VWA8: variants seen among roughly 807,000 people sequenced by gnomAD.
VWA8 encodes the protein von Willebrand factor A domain-containing protein 8.
VWA8 carries 221 observed loss-of-function variants against 241.5 expected under a neutral mutation model. The ratio of observed to expected loss-of-function variants is 0.91; its 90% CI spans 0.82 to 1.02. The LOEUF is 1.02. VWA8 is among the 50% of genes least tolerant of loss of function. The pLI is 0.00. For synonymous variants in VWA8, 852 were observed against 827.1 expected (o/e 1.03, Z -0.52); for missense variants, 2,322 against 2,328.7 (o/e 1.00, Z 0.06).
At chr13:41,880,001 T>C (rs1163255176) in intron 9 of VWA8, among the ~76,000 whole-genome samples, 8 of 152,166 alleles carry the variant, frequency 5.3e-5, no homozygotes, top group Non-Finnish European at 8.8e-5. Context: ...CTGCCAAGGG[T>C]CAACACTTTA....
chr13:41,675,172 T>G (rs902200124), intron 36 of VWA8, 43 bp downstream of exon 36: 1 of 1,464,040 alleles, frequency 6.8e-7, no homozygotes, highest in Admixed American at 1.8e-5. Context: ...TTTACTCATT[T>G]TTTATGACAT....
chr13:41,644,501 G>T (rs187837416), intron 37 of VWA8, among the ~76,000 whole-genome samples: 1 of 152,262 alleles, frequency 6.6e-6, no homozygotes, highest in Non-Finnish European at 1.5e-5. Context: ...CCATGCCTGT[G>T]TGTGTTTTCT....
At chr13:41,931,703 TAAA>T (rs140348272) in intron 2 of VWA8, among the ~76,000 whole-genome samples, 1 of 148,094 alleles carries the variant, frequency 6.8e-6, no homozygotes, top group Admixed American at 6.7e-5. Flanking sequence ...TATAAAAAAT[TAAA>T]AAAAAAACTA....
At chr13:41,572,191 G>A (rs1052850887) in intron 43 of VWA8, among the ~76,000 whole-genome samples, 9 of 149,524 alleles carry the variant, frequency 6.0e-5, no homozygotes, top group Non-Finnish European at 1.0e-4. Context: ...GTCAGCCCCC[G>A]CCCCGCCAGC....
intron 4 of VWA8, among the ~76,000 whole-genome samples, chr13:41,895,150 A>C (rs1352254945): frequency 1.3e-5 from 2 of 152,108 alleles, no homozygotes; most frequent in Non-Finnish European, 2.9e-5. Flanking sequence ...ACTGAGTGGG[A>C]ACATGGTAGG....
chr13:41,959,478 G>A (rs1265000918), intron 1 of VWA8, among the ~76,000 whole-genome samples: 4 of 103,178 alleles, frequency 3.9e-5, no homozygotes, highest in Non-Finnish European at 7.5e-5. Context: ...AGAAGTGAGA[G>A]TAATTGAGAA....
At chr13:41,809,391 A>G (rs142843951) in intron 17 of VWA8, among the ~76,000 whole-genome samples, 1 of 152,294 alleles carries the variant, frequency 6.6e-6, no homozygotes, top group Non-Finnish European at 1.5e-5. Context: ...ACAGCATAGT[A>G]CTAGCATAAC....
intron 29 of VWA8, among the ~76,000 whole-genome samples, chr13:41,694,566 A>T (rs1309158850): frequency 6.6e-6 from 1 of 152,098 alleles, no homozygotes; most frequent in Non-Finnish European, 1.5e-5. Flanking sequence ...AAATAAAATT[A>T]AGTTAAAAAT....
chr13:41,608,037 C>T (rs562449188), intron 39 of VWA8, among the ~76,000 whole-genome samples: 23 of 152,070 alleles, frequency 1.5e-4, no homozygotes, highest in Middle Eastern at 3.4e-3. Flanking sequence ...AACCTATATA[C>T]ACACATAAAA....
chr13:41,872,401 TA>T (rs1434980746), intron 9 of VWA8, among the ~76,000 whole-genome samples: 3 of 152,228 alleles, frequency 2.0e-5, no homozygotes, highest in African/African-American at 7.2e-5. Context: ...CCCTGAATGG[TA>T]ATGCCTACGT....
intron 1 of VWA8, among the ~76,000 whole-genome samples, chr13:41,953,930 GA>G (rs1159535170): frequency 6.6e-6 from 1 of 152,136 alleles, no homozygotes; most frequent in East Asian, 1.9e-4. Context: ...CAAACATTTG[GA>G]AATCAAGCAA....
intron 2 of VWA8, among the ~76,000 whole-genome samples, chr13:41,933,532 G>A (rs1445729201): frequency 6.6e-6 from 1 of 151,976 alleles, no homozygotes; most frequent in East Asian, 1.9e-4. Context: ...GAACAAAGAT[G>A]GAGAACTAAC....
At chr13:41,947,472 C>G (rs759397583) in intron 2 of VWA8, among the ~76,000 whole-genome samples, 25 of 152,098 alleles carry the variant, frequency 1.6e-4, no homozygotes, top group Admixed American at 5.9e-4. Context: ...ATAATGATTG[C>G]AAGTCATTAG....
chr13:41,837,434 T>C (rs1419241313), intron 12 of VWA8, among the ~76,000 whole-genome samples: 3 of 151,920 alleles, frequency 2.0e-5, no homozygotes, highest in African/African-American at 4.8e-5. Flanking sequence ...AAAGCAAAAC[T>C]AAACTTTCAC....
Position 41,895,343 on chromosome 13 carries a change from T to G in VWA8, c.484-3756A>C, listed in dbSNP as rs1475575357. Among the ~76,000 whole-genome samples the G allele has an allele frequency of 4.4e-4, 67 of 151,886 alleles. 2 individuals carry two copies. The highest frequency in any genetic ancestry group is 2.9e-5 in the Non-Finnish European group (2 of 67,960). The stretch of plus-strand genomic sequence containing the variant: ...TTAAATTGAAAGAAAACGAGTAGAG[T>G]AAGAACTAAAAAAAGTCATTAAATA... On this transcript the variant is annotated intron_variant, in intron 4 of 44. Coordinates refer to ENST00000379310, the MANE Select transcript of VWA8 (RefSeq NM_015058.2).
intron 4 of VWA8, among the ~76,000 whole-genome samples, chr13:41,898,454 T>A (rs1252086004): frequency 6.6e-6 from 1 of 152,144 alleles, no homozygotes; most frequent in African/African-American, 2.4e-5. Context: ...GTGTTTACAA[T>A]CCCTGAGCTA....
chr13:41,598,415 T>A (rs942016884), intron 40 of VWA8, among the ~76,000 whole-genome samples: 1 of 152,086 alleles, frequency 6.6e-6, no homozygotes, highest in Admixed American at 6.6e-5. Context: ...TTCTTGATAT[T>A]TGAGTTTTTA....
At chr13:41,634,238 C>A (rs1435693365) in intron 37 of VWA8, among the ~76,000 whole-genome samples, 1 of 152,090 alleles carries the variant, frequency 6.6e-6, no homozygotes, top group African/African-American at 2.4e-5. Flanking sequence ...TCCTTGGTGT[C>A]CTCCAGAGCC....
intron 10 of VWA8, among the ~76,000 whole-genome samples, chr13:41,868,125 C>T (rs1263895418): frequency 6.6e-6 from 1 of 152,172 alleles, no homozygotes. Context: ...GATTTTCCCA[C>T]AGGTCAACTT....
Sources: allele counts gnomAD v4.1 joint callset (sites outside exome capture counted in the v4.1 genomes callset), GRCh38; gene constraint gnomAD v4.1.1; transcripts MANE v1.5; gene names NCBI Gene and HGNC (gene_info 2026-07-23, HGNC 2026-07-21).